Variants in ATP11A observed in about 807,000 individuals in gnomAD.
ATP11A encodes the protein phospholipid-transporting ATPase IH.
Under a neutral mutation model 154.4 loss-of-function variants are expected in ATP11A, and 81 were observed. The observed-to-expected ratio is 0.52, with a 90% confidence interval of 0.44 to 0.63. The LOEUF is 0.63. Ranked by LOEUF, ATP11A falls within the 30% of genes least tolerant of loss-of-function variation. The pLI is 0.00. For synonymous variants in ATP11A, 623 were observed against 585.9 expected (o/e 1.06, Z -0.91); for missense variants, 1,316 against 1,474.3 (o/e 0.89, Z 1.76).
chr13:112,693,324 C>G (rs766207704), intron 1 of ATP11A, among the ~76,000 whole-genome samples: 12 of 149,638 alleles, frequency 8.0e-5, no homozygotes, highest in Non-Finnish European at 1.6e-4. Flanking sequence ...TGTATGTGCT[C>G]TGGGGGGCGT....
intron 1 of ATP11A, among the ~76,000 whole-genome samples, chr13:112,774,969 G>A (rs1402959249): frequency 1.3e-5 from 2 of 152,254 alleles, no homozygotes; most frequent in African/African-American, 4.8e-5. Flanking sequence ...CCTGGGGAAT[G>A]GAGGCTTTGT....
Position 112,690,490 on chromosome 13 carries a change from G to A in ATP11A, c.39+35G>A. On this transcript the variant is annotated intron_variant, in intron 1 of 29. Transcript: ENST00000375645. The surrounding 1 kb of genome is among the most constrained non-coding windows in gnomAD (Gnocchi z 5.6). Reference sequence around the variant, plus strand: ...CCCGGCGCGGGCTGGGGGACCCGGGGACCAGACAGACGCGGGCCGGCCCCG... The same window carrying A: ...CCCGGCGCGGGCTGGGGGACCCGGGAACCAGACAGACGCGGGCCGGCCCCG... The A allele has an allele frequency of 2.3e-6, 3 of 1,305,464 alleles. No individual in the cohort carries two copies. In the South Asian group the frequency reaches 7.6e-5, roughly 33 times the overall value. The allele number at this position is 1,305,464 out of a possible 1,614,324, so 80.9% of individuals were successfully genotyped here.
At chr13:112,795,496 T>C (rs1467162939) in intron 2 of ATP11A, among the ~76,000 whole-genome samples, 2 of 152,234 alleles carry the variant, frequency 1.3e-5, no homozygotes, top group Non-Finnish European at 2.9e-5. Flanking sequence ...TTCACTGTAG[T>C]TCCAAGGGTC....
At chr13:112,694,985 T>C (rs927052188) in intron 1 of ATP11A, among the ~76,000 whole-genome samples, 28 of 152,240 alleles carry the variant, frequency 1.8e-4, no homozygotes, top group African/African-American at 6.8e-4. Flanking sequence ...TACCGAATGG[T>C]GTATAATGTG....
intron 19 of ATP11A, 49 bp downstream of exon 19, chr13:112,854,579 T>A: frequency 1.9e-6 from 3 of 1,568,174 alleles, no homozygotes; most frequent in South Asian, 1.1e-5. Context: ...CAAAAGGGGC[T>A]TCAGACCCAG....
At chr13:112,806,568 A>G (rs1389420015) in intron 4 of ATP11A, among the ~76,000 whole-genome samples, 2 of 152,222 alleles carry the variant, frequency 1.3e-5, no homozygotes, top group African/African-American at 4.8e-5. Context: ...CAGATGAGTC[A>G]CTTAACCTTT....
At position 112,859,452 on chromosome 13, in the gene ATP11A, G is replaced by A. The variant is rs1453393988; in HGVS notation, c.2727G>A (p.Gln909=). ...AGTTCTTCTGTGGGTTTTCACAACA[G>A]GTCAGTCCTAGGGTCTTCAGGGACA... ...LYQFFCGFSQ[Q]TLYDTAYLTL... The change falls in exon 23 of 30, where the codon CAG becomes CAA. Residue 909 remains glutamine, a splice_region_variant and synonymous_variant. Transcript: ENST00000375645. This position sits in a 1 kb window ranked among gnomAD's most constrained non-coding sequence, Gnocchi z 4.3. 1.9e-6 allele frequency: 3 copies of A among 1,613,150 alleles called. No homozygotes were observed. Among genetic ancestry groups the A allele is most frequent in the Non-Finnish European group, 2.5e-6 (3 of 1,179,090 alleles).
rs1480330261 is a variant in ATP11A, at chr13:112,696,453, C to T, written c.39+5998C>T. Among the ~76,000 whole-genome samples, 1 of 152,074 alleles carries T rather than the reference C, an allele frequency of 6.6e-6. No homozygotes were observed. The highest frequency in any genetic ancestry group is 2.1e-4 in the South Asian group (1 of 4,822). On this transcript the variant is annotated intron_variant, in intron 1 of 29. Transcript: ENST00000375645. This position sits in a 1 kb window ranked among gnomAD's most constrained non-coding sequence, Gnocchi z 6.2. ...TGCCTCCTCCGGTTGGAGCGAGTGA[C>T]CCGTTCTGCCGAAGTCCAGTCCCGT...
intron 6 of ATP11A, among the ~76,000 whole-genome samples, chr13:112,817,276 A>C (rs898382586): frequency 6.6e-6 from 1 of 152,200 alleles, no homozygotes; most frequent in Non-Finnish European, 1.5e-5. Context: ...CATTTCTACT[A>C]TGAGATAGAG....
At position 112,845,262 on chromosome 13, in the gene ATP11A, A is replaced by T. The variant is rs60397606; in HGVS notation, c.1809+2883A>T. Among the ~76,000 whole-genome samples the T allele has an allele frequency of 3.2e-5, 3 of 94,752 alleles. 1 individual carries two copies. Among genetic ancestry groups the T allele is most frequent in the Non-Finnish European group, 4.1e-5 (2 of 49,028 alleles). 62.2% of individuals were successfully genotyped at this position (94,752 alleles called of 152,430 possible). A position where few individuals can be genotyped will look rare whatever the true frequency, so the allele number is the denominator to read the frequency against. ...AGCAGTACTAACCAATCCAGTTGCC[A>T]GCACTAGCGGTACTATTCAGTCCAG... On this transcript the variant is annotated intron_variant, in intron 17 of 29. Coordinates refer to ENST00000375645, the MANE Select transcript of ATP11A (RefSeq NM_015205.3).
intron 1 of ATP11A, among the ~76,000 whole-genome samples, chr13:112,723,747 G>A (rs909773716): frequency 2.6e-5 from 4 of 152,060 alleles, no homozygotes; most frequent in Admixed American, 1.3e-4. Context: ...CCATTCAGTC[G>A]GAAGGGGCTT....
chr13:112,691,483 G>GGT (rs58956060), intron 1 of ATP11A, among the ~76,000 whole-genome samples: 15,070 of 124,978 alleles, frequency 0.12, 873 homozygotes, highest in African/African-American at 0.17. Flanking sequence ...AAAAAAAAAG[G>GGT]GTGTGTGTGT....
At chr13:112,797,008 C>A (rs2078016879) in intron 2 of ATP11A, among the ~76,000 whole-genome samples, 1 of 152,046 alleles carries the variant, frequency 6.6e-6, no homozygotes, top group Non-Finnish European at 1.5e-5. Flanking sequence ...CGCCTGTAAT[C>A]CTGGCGCTTT....
intron 1 of ATP11A, among the ~76,000 whole-genome samples, chr13:112,747,661 C>A (rs1892330692): frequency 1.3e-5 from 2 of 152,148 alleles, no homozygotes; most frequent in Admixed American, 1.3e-4. Context: ...CATGGGGAAA[C>A]CCCATCTCTA....
intron 1 of ATP11A, among the ~76,000 whole-genome samples, chr13:112,745,163 C>A (rs1008887226): frequency 5.3e-5 from 8 of 152,204 alleles, no homozygotes; most frequent in African/African-American, 1.9e-4. Context: ...TTCCTGGGTT[C>A]AAGCAATTCT....
chr13:112,873,755 T>C, intron 27 of ATP11A, 79 bp downstream of exon 27: 1 of 1,399,040 alleles, frequency 7.1e-7, no homozygotes, highest in South Asian at 1.2e-5. Context: ...GAAGACACAT[T>C]TTCCGTGCGG....
rs114898537 is a variant in ATP11A at position 112,826,478 on chromosome 13, A to G, written c.1024-216A>G. On this transcript the variant is annotated intron_variant, in intron 11 of 29. Coordinates refer to ENST00000375645, the MANE Select transcript of ATP11A (RefSeq NM_015205.3). ...CTCCACTTGCTGGCAGGACAGCCCC[A>G]CAGCTCAGCCCCTGGACCCGGCAGG... Among the ~76,000 whole-genome samples, 1,253 of 152,288 alleles carry G rather than the reference A, an allele frequency of 8.2e-3. 20 individuals are homozygous for G. The highest frequency in any genetic ancestry group is 0.029 in the African/African-American group (1,205 of 41,566).
At chr13:112,845,837 A>ACTAACCAGTCCAGTTGCCGGCTCTAGCG (rs1566565127) in intron 17 of ATP11A, among the ~76,000 whole-genome samples, 11 of 122,660 alleles carry the variant, frequency 9.0e-5, no homozygotes, top group African/African-American at 3.3e-4. Context: ...CGGCACTAGC[A>ACTAACCAGTCCAGTTGCCGGCTCTAGCG]GTACTAACCA....
intron 16 of ATP11A, among the ~76,000 whole-genome samples, chr13:112,841,563 G>C (rs1302610246): frequency 6.7e-6 from 1 of 148,676 alleles, no homozygotes; most frequent in Non-Finnish European, 1.5e-5. Flanking sequence ...TCTGTGTGTC[G>C]GGAGCACCTG....
Sources: allele counts gnomAD v4.1 joint callset (sites outside exome capture counted in the v4.1 genomes callset), GRCh38; gene constraint gnomAD v4.1.1; non-coding constraint Gnocchi (gnomAD v3.1); transcripts MANE v1.5; gene names NCBI Gene and HGNC (gene_info 2026-07-23, HGNC 2026-07-21).